HACD4: variants seen among roughly 807,000 people sequenced by gnomAD.
The protein encoded by HACD4 is very-long-chain (3R)-3-hydroxyacyl-CoA dehydratase 4.
A neutral mutation model predicts 33.3 loss-of-function variants in HACD4; 35 were observed. That is an observed-to-expected ratio of 1.05 (90% CI 0.80 to 1.39). The LOEUF (loss-of-function observed/expected upper bound fraction) is 1.39. HACD4 is among the 40% of genes most tolerant of loss of function. The probability of loss-of-function intolerance (pLI) is 0.00; values close to 1 mark genes in which losing one functional copy is unlikely to be tolerated. For synonymous variants in HACD4, 118 were observed against 98.0 expected (o/e 1.20, Z -1.21); for missense variants, 323 against 276.5 (o/e 1.17, Z -1.19).
At chr9:21,012,670 A>G (rs763346337) in intron 4 of HACD4, among the ~76,000 whole-genome samples, 8 of 152,262 alleles carry the variant, frequency 5.3e-5, no homozygotes, top group Non-Finnish European at 7.3e-5. Context: ...AACATAGCAT[A>G]TAATCAAGCT....
At chr9:21,022,395 A>C (rs1295631854) in intron 3 of HACD4, among the ~76,000 whole-genome samples, 1 of 152,178 alleles carries the variant, frequency 6.6e-6, no homozygotes, top group Non-Finnish European at 1.5e-5. Context: ...TTAAACTAAA[A>C]AGCTCCGGTA....
In HACD4 at chr9:21,008,199, G is replaced by A. The variant is rs1842318987; in HGVS notation, c.491-53C>T. On this transcript the variant is annotated intron_variant, in intron 5 of 6. Transcript: ENST00000495827. ...GTATTCCTCCTTAAGTTGTTACAGGGATGTGTATATATGTCTTCATAGTTG... is the reference window on the plus strand; with the variant it reads ...GTATTCCTCCTTAAGTTGTTACAGGAATGTGTATATATGTCTTCATAGTTG... 2.7e-6 allele frequency: 4 copies of A among 1,507,374 alleles called. No individual in the cohort carries two copies. The East Asian group carries it at 9.3e-5, about 35-fold the overall frequency. The allele number at this position is 1,507,374 out of a possible 1,614,324, so 93.4% of individuals were successfully genotyped here.
intron 3 of HACD4, among the ~76,000 whole-genome samples, chr9:21,025,838 C>G (rs921884768): frequency 6.6e-6 from 1 of 152,282 alleles, no homozygotes; most frequent in Admixed American, 6.5e-5. Flanking sequence ...GTATTCTTAA[C>G]TAAGTGCCAG....
At chr9:21,027,515 C>G (rs1003583549) in intron 2 of HACD4, among the ~76,000 whole-genome samples, 3 of 152,146 alleles carry the variant, frequency 2.0e-5, no homozygotes, top group Non-Finnish European at 4.4e-5. Context: ...TTTCTCTTCT[C>G]GGCAGCTCCA....
intron 2 of HACD4, among the ~76,000 whole-genome samples, chr9:21,027,825 G>A (rs919478106): frequency 6.6e-6 from 1 of 152,180 alleles, no homozygotes; most frequent in Non-Finnish European, 1.5e-5. Flanking sequence ...TGTAATGGCA[G>A]GATAATAACT....
Position 21,016,767 on chromosome 9 carries a change from T to A in HACD4, c.271-757A>T, listed in dbSNP as rs142883232. Among the ~76,000 whole-genome samples, 703 of 145,806 alleles carry A rather than the reference T, an allele frequency of 4.8e-3. 3 individuals are homozygous for A. The highest frequency in any genetic ancestry group is 0.017 in the African/African-American group (663 of 39,824). On this transcript the variant is annotated intron_variant, in intron 3 of 6. Transcript: ENST00000495827. ...GCTGAGAAATTTCAGTTCCATCCAA[T>A]AGAGAAACTTGTAGCTTTTTTTTTT... is the stretch of plus-strand genomic sequence containing the variant.
Position 21,000,029 on chromosome 9 carries a change from G to C in HACD4, c.*7008C>G, listed in dbSNP as rs1051811992. ...AGTCATTCAGTTAGTAAATAATGGAGCTTGATCTCAAATCAAACCTAGTGC... is the reference window on the plus strand; with the variant it reads ...AGTCATTCAGTTAGTAAATAATGGACCTTGATCTCAAATCAAACCTAGTGC... On this transcript the variant is annotated 3_prime_UTR_variant, in exon 7 of 7. Transcript: ENST00000495827. The C allele has an allele frequency of 6.6e-6, 1 of 152,114 alleles. No homozygotes were observed. Among genetic ancestry groups the C allele is most frequent in the Admixed American group, 6.6e-5 (1 of 15,266 alleles). The allele number at this position is 152,114 out of a possible 1,614,324, so 9.4% of individuals were successfully genotyped here.
chr9:21,020,322 A>C (rs1392987609), intron 3 of HACD4, among the ~76,000 whole-genome samples: 9 of 152,180 alleles, frequency 5.9e-5, no homozygotes, highest in African/African-American at 1.4e-4. Flanking sequence ...AAAGTGATGG[A>C]GTAATCTATT....
At chr9:21,029,224 TTAATA>T in intron 2 of HACD4, 66 bp downstream of exon 2, 1 of 876,444 alleles carries the variant, frequency 1.1e-6, no homozygotes, top group Non-Finnish European at 1.8e-6. Flanking sequence ...GTGTAGAAAT[TTAATA>T]TAAGCAGGAT....
At chr9:21,025,545 T>C (rs1271342903) in intron 3 of HACD4, among the ~76,000 whole-genome samples, 2 of 152,230 alleles carry the variant, frequency 1.3e-5, no homozygotes, top group Non-Finnish European at 2.9e-5. Flanking sequence ...CTCATGTAGA[T>C]ACCTATTTCT....
At position 21,008,073 on chromosome 9, in the gene HACD4, T is replaced by C; in HGVS notation, c.564A>G (p.Leu188=). 1 of 1,611,794 alleles carries C rather than the reference T, an allele frequency of 6.2e-7. No individual in the cohort carries two copies. Among genetic ancestry groups the C allele is most frequent in the Non-Finnish European group, 8.5e-7 (1 of 1,178,718 alleles). ...GTYSTKLPFD[L]SIYFPYVLKI... is the part of the protein sequence containing the mutation. ...TCAGCACATATGGGAAATAGATGGATAAGTCAAAGGGCAGCTTGGTGGAAT... is the reference window on the plus strand; with the variant it reads ...TCAGCACATATGGGAAATAGATGGACAAGTCAAAGGGCAGCTTGGTGGAAT... Residue 188 remains leucine (L), a synonymous_variant, in exon 6 of 7, where the codon TTA becomes TTG. Transcript: ENST00000495827.
chr9:21,009,126 G>A (rs79029637), intron 5 of HACD4, among the ~76,000 whole-genome samples: 80 of 152,216 alleles, frequency 5.3e-4, no homozygotes, highest in African/African-American at 1.7e-3. Flanking sequence ...TGTCAGATGG[G>A]AAATTATAGT....
intron 3 of HACD4, among the ~76,000 whole-genome samples, chr9:21,016,553 G>A (rs1332846062): frequency 1.3e-5 from 2 of 152,140 alleles, no homozygotes; most frequent in African/African-American, 4.8e-5. Flanking sequence ...GGTAGACTGG[G>A]TATAACAGAA....
In HACD4 at chr9:21,001,741, T is replaced by C. The variant is rs992617902; in HGVS notation, c.*5296A>G. The C allele has an allele frequency of 6.6e-6, 1 of 152,086 alleles. No individual in the cohort carries two copies. The highest frequency in any genetic ancestry group is 1.5e-5 in the Non-Finnish European group (1 of 67,966). The allele number at this position is 152,086 out of a possible 1,614,324, so 9.4% of individuals were successfully genotyped here. ...TATTCAAAGTGTTAGGAAAAAAATA[T>C]ATCATCAACCACATTTCCTGTATTT... On this transcript the variant is annotated 3_prime_UTR_variant, in exon 7 of 7. Coordinates refer to ENST00000495827, the MANE Select transcript of HACD4 (RefSeq NM_001010915.5).
At chr9:21,013,812 A>T (rs541868702) in intron 4 of HACD4, among the ~76,000 whole-genome samples, 1 of 152,320 alleles carries the variant, frequency 6.6e-6, no homozygotes, top group Admixed American at 6.5e-5. Context: ...CAAATATATA[A>T]AAATAATTCA....
intron 2 of HACD4, among the ~76,000 whole-genome samples, chr9:21,027,023 C>T (rs1019078927): frequency 4.6e-5 from 7 of 152,184 alleles, no homozygotes; most frequent in Non-Finnish European, 1.5e-5. Context: ...AAAGCAATTC[C>T]CACATAAGAG....
Position 21,008,089 on chromosome 9 carries a change from T to G in HACD4, c.548A>C (p.Lys183Thr), listed in dbSNP as rs759067420. The G allele has an allele frequency of 3.2e-5, 52 of 1,611,454 alleles. No homozygotes were observed. The highest frequency in any genetic ancestry group is 4.1e-5 in the Non-Finnish European group (48 of 1,178,654). The change falls in exon 6 of 7, where the codon AAG (lysine) becomes ACG (threonine). Residue 183 changes from lysine to threonine, a missense_variant. Lys to Thr is a moderately conservative substitution (Grantham distance 78). Transcript: ENST00000495827. ...YFESFGTYST[K>T]LPFDLSIYFP... is the part of the protein sequence containing the mutation. ...ATAGATGGATAAGTCAAAGGGCAGC[T>G]TGGTGGAATAAGTGCCAAATGATTC...
chr9:21,018,793 A>C lies in HACD4; in HGVS notation c.271-2783T>G, dbSNP rs558471431. Among the ~76,000 whole-genome samples the C allele has an allele frequency of 1.4e-5, 2 of 147,242 alleles. 1 individual carries two copies. Among genetic ancestry groups the C allele is most frequent in the South Asian group, 4.4e-4 (2 of 4,566 alleles). On this transcript the variant is annotated intron_variant, in intron 3 of 6. Coordinates refer to ENST00000495827, the MANE Select transcript of HACD4 (RefSeq NM_001010915.5). Reference sequence around the variant, plus strand: ...TCATCTACTCAAAAGTGTGATAACTATATAATAAAAATGCTGGGCATTTTT... The same window carrying C: ...TCATCTACTCAAAAGTGTGATAACTCTATAATAAAAATGCTGGGCATTTTT...
chr9:21,013,479 C>G (rs67375304), intron 4 of HACD4, among the ~76,000 whole-genome samples: 24,208 of 152,036 alleles, frequency 0.16, 2,009 homozygotes, highest in East Asian at 0.2. Context: ...ATTGTTTTGG[C>G]TATTCTGAGT....
Sources: allele counts gnomAD v4.1 joint callset (sites outside exome capture counted in the v4.1 genomes callset), GRCh38; gene constraint gnomAD v4.1.1; transcripts MANE v1.5; gene names NCBI Gene and HGNC (gene_info 2026-07-23, HGNC 2026-07-21).